Variants in CEP78 observed in about 807,000 individuals in gnomAD.
The protein encoded by CEP78 is centrosomal protein 78.
A neutral mutation model predicts 81.2 loss-of-function variants in CEP78; 76 were observed. The observed-to-expected ratio is 0.94, with a 90% CI of 0.78 to 1.13. The LOEUF (loss-of-function observed/expected upper bound fraction) is 1.13, where lower values mean the gene tolerates loss of function less well. Ranked by LOEUF, CEP78 falls within the 50% of genes most tolerant of loss-of-function variation. CEP78 has a pLI of 0.00. For missense variants in CEP78, 918 were observed against 846.8 expected (o/e 1.08, Z -1.04); for synonymous variants, 293 against 301.4 (o/e 0.97, Z 0.29).
At chr9:78,260,010 G>A (rs948415030) in intron 11 of CEP78, among the ~76,000 whole-genome samples, 5 of 152,138 alleles carry the variant, frequency 3.3e-5, no homozygotes, top group South Asian at 4.1e-4. Context: ...CTGCTTTGTG[G>A]TACACATAAA....
chr9:78,236,885 A>T (rs1825970794), intron 1 of CEP78, among the ~76,000 whole-genome samples: 1 of 149,994 alleles, frequency 6.7e-6, no homozygotes, highest in African/African-American at 2.4e-5. Context: ...AACATTTGAC[A>T]GATGTTACCT....
chr9:78,236,159 C>T lies in CEP78; in HGVS notation c.-192C>T, dbSNP rs1825915485. On this transcript the variant is annotated 5_prime_UTR_variant, in exon 1 of 17. Coordinates refer to ENST00000643273, the MANE Select transcript of CEP78 (RefSeq NM_001330691.3). Reference sequence around the variant, plus strand: ...GGCGGGAGGCAGCGCGGGAGTGGGGCGTTGAGGGGCCGGCCTAGCTTGGGG... The same window carrying T: ...GGCGGGAGGCAGCGCGGGAGTGGGGTGTTGAGGGGCCGGCCTAGCTTGGGG... 1.8e-6 allele frequency: 1 copy of T among 571,348 alleles called. No individual in the cohort carries two copies. The highest frequency in any genetic ancestry group is 3.0e-6 in the Non-Finnish European group (1 of 330,394). The allele number at this position is 571,348 out of a possible 1,614,324, so 35.4% of individuals were successfully genotyped here.
rs545415709 is a variant in CEP78 at position 78,276,173 on chromosome 9, A to T, written c.*5322A>T. ...TGAATTCAGCATTGTAGCAAAAGAT[A>T]TATCATTTTCAAGGAAGATTTGTAC... On this transcript the variant is annotated 3_prime_UTR_variant, in exon 17 of 17. Coordinates refer to ENST00000643273, the MANE Select transcript of CEP78 (RefSeq NM_001330691.3). 1.1e-4 allele frequency: 16 copies of T among 152,358 alleles called. No homozygotes were observed. In the South Asian group the frequency reaches 3.3e-3, roughly 32 times the overall value. 9.4% of individuals were successfully genotyped at this position (152,358 alleles called of 1,614,324 possible).
chr9:78,236,969 C>CTTTTTTTTTTTTTTTT lies in CEP78; in HGVS notation c.253+380_253+395dup, dbSNP rs71360676. Among the ~76,000 whole-genome samples the CTTTTTTTTTTTTTTTT allele has an allele frequency of 4.0e-4, 25 of 62,112 alleles. 5 individuals are homozygous for CTTTTTTTTTTTTTTTT. The highest frequency in any genetic ancestry group is 8.7e-4 in the African/African-American group (14 of 16,056). 40.7% of individuals were successfully genotyped at this position (62,112 alleles called of 152,430 possible). ...GAAATTAATACATGTCAGCCTTTGT[C>CTTTTTTTTTTTTTTTT]TTTTTTTTTTTTTTTTTTTTTTTTT... On this transcript the variant is annotated intron_variant, in intron 1 of 16. Coordinates refer to ENST00000643273, the MANE Select transcript of CEP78 (RefSeq NM_001330691.3).
In CEP78 at chr9:78,276,647, A is replaced by T. The variant is rs1827810426; in HGVS notation, c.*5796A>T. On this transcript the variant is annotated 3_prime_UTR_variant, in exon 17 of 17. Coordinates refer to ENST00000643273, the MANE Select transcript of CEP78 (RefSeq NM_001330691.3). ...CCAGCAATAACCAATTAGAAAATGT[A>T]TGAGGAAATAGACTCTCATCCACAA... 1 of 152,184 alleles carries T rather than the reference A, an allele frequency of 6.6e-6. No homozygotes were observed. The highest frequency in any genetic ancestry group is 2.4e-5 in the African/African-American group (1 of 41,444). The allele number at this position is 152,184 out of a possible 1,614,324, so 9.4% of individuals were successfully genotyped here.
At position 78,236,632 on chromosome 9, in the gene CEP78, C is replaced by T. The variant is rs758728798; in HGVS notation, c.253+29C>T. 16 of 1,516,198 alleles carry T rather than the reference C, an allele frequency of 1.1e-5. No homozygotes were observed. The African/African-American group carries it at 1.4e-4, about 13-fold the overall frequency. The allele number at this position is 1,516,198 out of a possible 1,614,324, so 93.9% of individuals were successfully genotyped here. A position where few individuals can be genotyped will look rare whatever the true frequency, so the allele number is the denominator to read the frequency against. Reference sequence around the variant, plus strand: ...TGTAGTTCCCGCCTCCAGGGCCCCTCAGTCGGTGCGGCGAAGTGGGTTTTT... The same window carrying T: ...TGTAGTTCCCGCCTCCAGGGCCCCTTAGTCGGTGCGGCGAAGTGGGTTTTT... On this transcript the variant is annotated intron_variant, in intron 1 of 16. Transcript: ENST00000643273.
At chr9:78,253,089 C>A in intron 9 of CEP78, 143 bp from the exon 10 acceptor site, 1 of 580,546 alleles carries the variant, frequency 1.7e-6, no homozygotes. Context: ...GCAGAGCTTT[C>A]CAGGCCCTTA....
intron 12 of CEP78, among the ~76,000 whole-genome samples, chr9:78,263,802 C>T (rs1475400916): frequency 1.3e-5 from 2 of 152,062 alleles, no homozygotes; most frequent in African/African-American, 4.8e-5. Flanking sequence ...TAGTCCTTAA[C>T]AGCCAAATTG....
intron 11 of CEP78, 81 bp from the exon 12 acceptor site, chr9:78,262,826 T>G (rs1056079417): frequency 2.5e-6 from 2 of 796,752 alleles, no homozygotes; most frequent in Middle Eastern, 7.3e-4. Flanking sequence ...CCCTAAACAC[T>G]TGGTGAGCTC....
rs530145913 is a variant in CEP78 at position 78,273,151 on chromosome 9, A to C, written c.*2300A>C. 6 of 152,240 alleles carry C rather than the reference A, an allele frequency of 3.9e-5. No individual in the cohort carries two copies. The highest frequency in any genetic ancestry group is 1.4e-4 in the African/African-American group (6 of 41,472). 9.4% of individuals were successfully genotyped at this position (152,240 alleles called of 1,614,324 possible). A position where few individuals can be genotyped will look rare whatever the true frequency, so the allele number is the denominator to read the frequency against. ...AAAAATCCACAATATAGCAAGATCA[A>C]GTTTTTTACTCATAATAAACATGAA... On this transcript the variant is annotated 3_prime_UTR_variant, in exon 17 of 17. Transcript: ENST00000643273.
chr9:78,252,983 G>A (rs753745926), intron 9 of CEP78, among the ~76,000 whole-genome samples: 5 of 152,162 alleles, frequency 3.3e-5, no homozygotes, highest in Non-Finnish European at 7.4e-5. Flanking sequence ...AAAGAAGTTA[G>A]ATTAGAAATC....
chr9:78,242,717 AT>A (rs565113370), intron 4 of CEP78, among the ~76,000 whole-genome samples: 11 of 151,716 alleles, frequency 7.3e-5, no homozygotes, highest in Admixed American at 2.6e-4. Flanking sequence ...ATGTAATGAG[AT>A]TTTTTTTTCT....
chr9:78,241,112 G>T (rs10123513), intron 3 of CEP78, among the ~76,000 whole-genome samples: 240 of 152,308 alleles, frequency 1.6e-3, no homozygotes, highest in African/African-American at 5.4e-3. Flanking sequence ...GAAAGGGTTG[G>T]GATCATGGAA....
intron 8 of CEP78, chr9:78,249,723 A>C (rs1456014185): frequency 1.3e-5 from 2 of 152,052 alleles, no homozygotes; most frequent in Non-Finnish European, 2.9e-5. Flanking sequence ...TTTTACTGAT[A>C]AGAATGAGTG....
rs1005007613 is a variant in CEP78, at chr9:78,278,004, T to A, written c.*7153T>A. The A allele has an allele frequency of 2.6e-5, 4 of 152,194 alleles. No individual in the cohort carries two copies. The highest frequency in any genetic ancestry group is 5.9e-5 in the Non-Finnish European group (4 of 68,030). The allele number at this position is 152,194 out of a possible 1,614,324, so 9.4% of individuals were successfully genotyped here. A position where few individuals can be genotyped will look rare whatever the true frequency, so the allele number is the denominator to read the frequency against. On this transcript the variant is annotated 3_prime_UTR_variant, in exon 17 of 17. Transcript: ENST00000643273. Reference sequence around the variant, plus strand: ...TACATTTGTATAGTTAAAACTTGTTTACCTATACGTAGCATATATGCGTGT... The same window carrying A: ...TACATTTGTATAGTTAAAACTTGTTAACCTATACGTAGCATATATGCGTGT...
intron 4 of CEP78, among the ~76,000 whole-genome samples, chr9:78,242,654 C>CT (rs1826290155): frequency 6.6e-6 from 1 of 152,190 alleles, no homozygotes; most frequent in Non-Finnish European, 1.5e-5. Context: ...GCAAATGACA[C>CT]TGACAGTTTT....
chr9:78,242,818 C>T (rs1826297237), intron 4 of CEP78, among the ~76,000 whole-genome samples: 1 of 152,084 alleles, frequency 6.6e-6, no homozygotes, highest in African/African-American at 2.4e-5. Context: ...GGTTAAAACT[C>T]AAACCACCAA....
In CEP78 at chr9:78,251,992, G is replaced by C. The variant is rs1192074629; in HGVS notation, c.1154G>C (p.Gly385Ala). 1.9e-6 allele frequency: 3 copies of C among 1,606,530 alleles called. No homozygotes were observed. Among genetic ancestry groups the C allele is most frequent in the Admixed American group, 3.3e-5 (2 of 59,762 alleles). ...TATGCGCCCGCACCTCTTCCACCTG[G>C]TGTGTCTGGTTTCTTGCCGTGGCGT... ...EYYAPAPLPP[G>A]VSGFLPWRTA... Residue 385 changes from glycine to alanine, a missense_variant, in exon 9 of 17, where the codon GGT becomes GCT. Transcript: ENST00000643273.
intron 11 of CEP78, among the ~76,000 whole-genome samples, chr9:78,260,706 C>CAAAA (rs1204270796): frequency 5.7e-5 from 3 of 53,086 alleles, no homozygotes; most frequent in African/African-American, 1.9e-4. Flanking sequence ...GACTCCATCT[C>CAAAA]AAAAAAAAAA....
Sources: gnomAD v4.1 joint callset for allele counts (sites outside exome capture counted in the v4.1 genomes callset) on GRCh38, gnomAD v4.1.1 for gene constraint, MANE v1.5 for transcripts, NCBI Gene and HGNC (gene_info 2026-07-23, HGNC 2026-07-21) for gene names.